STX18: variants seen among roughly 807,000 people sequenced by gnomAD.
STX18 encodes the protein syntaxin 18.
A neutral mutation model predicts 50.1 loss-of-function variants in STX18; 40 were observed. That is an observed-to-expected ratio of 0.80 (90% CI 0.62 to 1.04). STX18 has a LOEUF of 1.04. Among genes scored for constraint, STX18 ranks in the 50% least tolerant of loss-of-function variants. The pLI is 0.00. For missense variants in STX18, 410 were observed against 415.8 expected, an observed-to-expected ratio of 0.99 and a Z score of 0.12; for synonymous variants, 158 against 151.8, an observed-to-expected ratio of 1.04 and a Z score of -0.30.
At chr4:4,509,889 A>G (rs1304791744) in intron 1 of STX18, among the ~76,000 whole-genome samples, 1 of 152,180 alleles carries the variant, frequency 6.6e-6, no homozygotes, top group African/African-American at 2.4e-5. Flanking sequence ...AGAGGAAACA[A>G]TAAGTACAAA....
At chr4:4,433,140 T>A (rs529159804) in intron 7 of STX18, among the ~76,000 whole-genome samples, 25 of 152,356 alleles carry the variant, frequency 1.6e-4, no homozygotes, top group Non-Finnish European at 2.8e-4. Context: ...TGCGTCATTT[T>A]CTTCAACTGT....
Position 4,471,676 on chromosome 4 carries a change from G to T in STX18, c.199C>A (p.Leu67Ile), listed in dbSNP as rs551481935. The T allele has an allele frequency of 1.9e-6, 3 of 1,585,116 alleles. No individual in the cohort carries two copies. Among genetic ancestry groups the T allele is most frequent in the Admixed American group, 3.9e-5 (2 of 50,672 alleles). ...ATATAATCTTTCCTGTGTTCCAGAA[G>T]AAAATCTCTCAGTTTGCCAATGTGA... ...ISHIGKLRDF[L>I]LEHRKDYINA... Residue 67 changes from leucine (L) to isoleucine (I), a missense_variant, in exon 2 of 11, where the codon CTT becomes ATT. Leu to Ile is a conservative substitution (Grantham distance 5, BLOSUM62 2). Transcript: ENST00000306200.
At chr4:4,458,504 CA>C (rs1456268610) in intron 3 of STX18, among the ~76,000 whole-genome samples, 4 of 152,312 alleles carry the variant, frequency 2.6e-5, no homozygotes, top group South Asian at 2.1e-4. Context: ...ACCTCCCCAA[CA>C]AAAGTCTGTG....
In STX18 at chr4:4,541,759, C is replaced by G. The variant is rs111651740; in HGVS notation, c.168+38G>C. The G allele has an allele frequency of 2.5e-6, 4 of 1,580,654 alleles. No homozygotes were observed. In the African/African-American group the frequency reaches 5.4e-5, roughly 21 times the overall value. ...CCGGGGTCCCTGTCGCAGGACTGCC[C>G]CCTCCTCAACCCGCCGTTTCCATAG... On this transcript the variant is annotated intron_variant, in intron 1 of 10. Coordinates refer to ENST00000306200, the MANE Select transcript of STX18 (RefSeq NM_016930.4).
intron 4 of STX18, 53 bp from the exon 5 acceptor site, chr4:4,457,310 C>G (rs1727132194): frequency 1.9e-6 from 3 of 1,583,582 alleles, no homozygotes; most frequent in Middle Eastern, 1.7e-4. Context: ...GCTTCTCAGG[C>G]AAAGCCATCA....
rs184748630 is a variant in STX18, at chr4:4,491,487, A to T, written c.169-19781T>A. Reference sequence around the variant, plus strand: ...TTTCCTTGAAGTGTCTCTACTATAGATTTTACACTACATTTATTAAAATAT... The same window carrying T: ...TTTCCTTGAAGTGTCTCTACTATAGTTTTTACACTACATTTATTAAAATAT... On this transcript the variant is annotated intron_variant, in intron 1 of 10. Coordinates refer to ENST00000306200, the MANE Select transcript of STX18 (RefSeq NM_016930.4). Among the ~76,000 whole-genome samples the T allele has an allele frequency of 4.6e-5, 7 of 152,234 alleles. No individual in the cohort carries two copies. The East Asian group carries it at 7.7e-4, about 17-fold the overall frequency.
At chr4:4,515,839 A>C (rs73201741) in intron 1 of STX18, among the ~76,000 whole-genome samples, 23,791 of 151,928 alleles carry the variant, frequency 0.16, 1,914 homozygotes, top group Non-Finnish European at 0.18. Context: ...TCCCCTCCCC[A>C]ACCCCATGCA....
At chr4:4,451,963 G>A (rs1222460137) in intron 5 of STX18, among the ~76,000 whole-genome samples, 1 of 152,218 alleles carries the variant, frequency 6.6e-6, no homozygotes, top group Non-Finnish European at 1.5e-5. Context: ...CGAAGAGTTA[G>A]CCAAGTTGTG....
chr4:4,506,385 C>G (rs1729707786), intron 1 of STX18, among the ~76,000 whole-genome samples: 1 of 152,188 alleles, frequency 6.6e-6, no homozygotes, highest in African/African-American at 2.4e-5. Flanking sequence ...ACACACACAT[C>G]TAGAATCAAC....
At chr4:4,484,145 A>G (rs1448345197) in intron 1 of STX18, among the ~76,000 whole-genome samples, 1 of 152,098 alleles carries the variant, frequency 6.6e-6, no homozygotes, top group Non-Finnish European at 1.5e-5. Context: ...TACAGGTGTG[A>G]GCCACCGTGC....
chr4:4,541,556 T>A (rs1018198707), intron 1 of STX18, among the ~76,000 whole-genome samples: 1 of 152,196 alleles, frequency 6.6e-6, no homozygotes, highest in African/African-American at 2.4e-5. Flanking sequence ...ATCTCCTTTC[T>A]TGTCCCCCAA....
chr4:4,538,779 A>G, intron 1 of STX18, among the ~76,000 whole-genome samples: 1 of 152,168 alleles, frequency 6.6e-6, no homozygotes. Context: ...TTTGAACCCA[A>G]GGCCCAGGTC....
intron 2 of STX18, among the ~76,000 whole-genome samples, chr4:4,461,747 G>C (rs1314303575): frequency 6.6e-6 from 1 of 152,106 alleles, no homozygotes; most frequent in Non-Finnish European, 1.5e-5. Flanking sequence ...CTGGGCTACC[G>C]GGGGGAATGC....
intron 2 of STX18, among the ~76,000 whole-genome samples, chr4:4,470,150 G>A (rs918169119): frequency 6.6e-6 from 1 of 152,144 alleles, no homozygotes; most frequent in East Asian, 1.9e-4. Context: ...AACCTGTGAC[G>A]AACCAGGAAG....
intron 1 of STX18, among the ~76,000 whole-genome samples, chr4:4,535,217 C>A (rs1041112956): frequency 1.3e-5 from 2 of 152,152 alleles, no homozygotes; most frequent in Non-Finnish European, 2.9e-5. Flanking sequence ...GGTTAATATG[C>A]CTCATAGTTT....
At chr4:4,479,771 A>T (rs997781108) in intron 1 of STX18, among the ~76,000 whole-genome samples, 2 of 152,204 alleles carry the variant, frequency 1.3e-5, no homozygotes, top group Admixed American at 6.5e-5. Flanking sequence ...TGGTCCCTAC[A>T]TGAGATGCAT....
intron 1 of STX18, among the ~76,000 whole-genome samples, chr4:4,494,074 G>A (rs1729063341): frequency 6.6e-6 from 1 of 152,074 alleles, no homozygotes; most frequent in Non-Finnish European, 1.5e-5. Flanking sequence ...CTTACACTGG[G>A]GTCAGGTAAG....
chr4:4,495,571 T>C (rs1431666484), intron 1 of STX18, among the ~76,000 whole-genome samples: 1 of 102,530 alleles, frequency 9.8e-6, no homozygotes, highest in Admixed American at 8.8e-5. Context: ...TTCTTTTTTT[T>C]TTTTTTTTTT....
At chr4:4,449,730 C>T (rs1377603864) in intron 5 of STX18, among the ~76,000 whole-genome samples, 1 of 152,124 alleles carries the variant, frequency 6.6e-6, no homozygotes, top group Non-Finnish European at 1.5e-5. Context: ...TAGTAAGTAC[C>T]AGGGGGAGCA....
Sources: allele counts gnomAD v4.1 joint callset (sites outside exome capture counted in the v4.1 genomes callset), GRCh38; gene constraint gnomAD v4.1.1; transcripts MANE v1.5; gene names NCBI Gene and HGNC (gene_info 2026-07-23, HGNC 2026-07-21).